The following CACNB4 variants were observed in gnomAD, a reference collection of about 807,000 sequenced individuals.
CACNB4 encodes voltage-dependent L-type calcium channel subunit beta-4.
Under a neutral mutation model 71.2 loss-of-function variants are expected in CACNB4, and 32 were observed. That is an observed-to-expected ratio of 0.45 (90% CI 0.34 to 0.60). The LOEUF is 0.60. Among genes scored for constraint, CACNB4 ranks in the 20% least tolerant of loss-of-function variants. The pLI is 0.01. For synonymous variants in CACNB4, 231 were observed against 236.9 expected (o/e 0.97, Z 0.23); for missense variants, 464 against 647.9 (o/e 0.72, Z 3.08).
chr2:151,886,173 GA>G (rs2099849315), intron 2 of CACNB4, among the ~76,000 whole-genome samples: 1 of 152,166 alleles, frequency 6.6e-6, no homozygotes, highest in South Asian at 2.1e-4. Flanking sequence ...TGCTTTGCTG[GA>G]AATGGGATGT....
rs2099834461 is a variant in CACNB4, at chr2:151,834,496, C to T, written c.*4623G>A. 6.6e-6 allele frequency: 1 copy of T among 151,898 alleles called. No homozygotes were observed. Among genetic ancestry groups the T allele is most frequent in the Admixed American group, 6.6e-5 (1 of 15,256 alleles). The allele number at this position is 151,898 out of a possible 1,614,324, so 9.4% of individuals were successfully genotyped here. ...ATGAAGCATTTAGAATTAATCATTA[C>T]AAGTAAAAAGAGATAGCTGCTATCA... is the stretch of plus-strand genomic sequence containing the variant. On this transcript the variant is annotated 3_prime_UTR_variant, in exon 14 of 14. Transcript: ENST00000539935.
intron 2 of CACNB4, among the ~76,000 whole-genome samples, chr2:152,017,702 C>T (rs180944289): frequency 3.2e-4 from 48 of 150,366 alleles, no homozygotes; most frequent in African/African-American, 9.9e-4. Context: ...AGTGAGACTC[C>T]GTCTCAACAA....
chr2:152,095,895 C>G (rs1688240353), intron 2 of CACNB4, among the ~76,000 whole-genome samples: 1 of 152,226 alleles, frequency 6.6e-6, no homozygotes, highest in South Asian at 2.1e-4. Flanking sequence ...TCAAGTGATC[C>G]GCCCACCTCA....
chr2:152,037,722 G>C (rs1238265975), intron 2 of CACNB4, among the ~76,000 whole-genome samples: 1 of 152,228 alleles, frequency 6.6e-6, no homozygotes, highest in Non-Finnish European at 1.5e-5. Context: ...GGGAGGGAGA[G>C]AAAGAAATGC....
At chr2:151,849,560 A>C (rs1367752625) in intron 12 of CACNB4, among the ~76,000 whole-genome samples, 1 of 152,176 alleles carries the variant, frequency 6.6e-6, no homozygotes, top group African/African-American at 2.4e-5. Flanking sequence ...ACAGGCACTC[A>C]CCATGCACCC....
intron 2 of CACNB4, among the ~76,000 whole-genome samples, chr2:151,944,428 T>C: frequency 6.6e-6 from 1 of 152,078 alleles, no homozygotes; most frequent in Non-Finnish European, 1.5e-5. Flanking sequence ...AAATTAGTCT[T>C]GAGTTATTTG....
intron 2 of CACNB4, among the ~76,000 whole-genome samples, chr2:151,985,536 A>C (rs1374933528): frequency 6.6e-6 from 1 of 152,210 alleles, no homozygotes; most frequent in Admixed American, 6.5e-5. Flanking sequence ...CTGCCAATTT[A>C]CATACCTATT....
chr2:152,077,828 C>T lies in CACNB4; in HGVS notation c.147+20502G>A, dbSNP rs193251672. Among the ~76,000 whole-genome samples, 43 of 152,300 alleles carry T rather than the reference C, an allele frequency of 2.8e-4. 1 individual carries two copies. The East Asian group carries it at 8.1e-3, about 29-fold the overall frequency. On this transcript the variant is annotated intron_variant, in intron 2 of 13. Coordinates refer to ENST00000539935, the MANE Select transcript of CACNB4 (RefSeq NM_000726.5). ...AGAGAGTCTGACAGGAGTTATATCA[C>T]TGCAGAGCCTTGGAGGCCACAATAA...
In CACNB4 at chr2:152,098,725, C is replaced by T; in HGVS notation, c.63+224G>A. On this transcript the variant is annotated intron_variant, in intron 1 of 13. Transcript: ENST00000539935. The surrounding 1 kb of genome is among the most constrained non-coding windows in gnomAD (Gnocchi z 5.3). ...GAGGCTGCGGGCTCCGGAGCGGGAGCGCAGAGACCCGAAGGAGGGTGAGGA... is the reference window on the plus strand; with the variant it reads ...GAGGCTGCGGGCTCCGGAGCGGGAGTGCAGAGACCCGAAGGAGGGTGAGGA... The T allele has an allele frequency of 6.5e-7, 1 of 1,547,712 alleles. No homozygotes were observed. Among genetic ancestry groups the T allele is most frequent in the Non-Finnish European group, 8.7e-7 (1 of 1,144,618 alleles).
Position 151,839,364 on chromosome 2 carries a change from G to C in CACNB4, c.1318C>G (p.His440Asp), listed in dbSNP as rs1553740358. 1.9e-6 allele frequency: 3 copies of C among 1,608,044 alleles called. No individual in the cohort carries two copies. The African/African-American group carries it at 4.0e-5, about 22-fold the overall frequency. The change falls in exon 14 of 14, where the codon CAC (histidine) becomes GAC (aspartate). Residue 440 changes from histidine to aspartate, a missense_variant. Coordinates refer to ENST00000539935, the MANE Select transcript of CACNB4 (RefSeq NM_000726.5). ...ISGLQSQRMR[H>D]SNHSTENSPI... is the part of the protein sequence containing the mutation. ...GAGTTCTCTGTGGAGTGGTTGCTGT[G>C]CCTCATTCGCTGACTCTAAAAATAT...
intron 9 of CACNB4, among the ~76,000 whole-genome samples, chr2:151,862,772 A>C (rs1471450524): frequency 1.3e-5 from 2 of 152,232 alleles, no homozygotes; most frequent in Non-Finnish European, 2.9e-5. Flanking sequence ...GTTACAGCTC[A>C]GGTCTAAACT....
intron 2 of CACNB4, among the ~76,000 whole-genome samples, chr2:152,043,613 C>T (rs1033342569): frequency 5.3e-5 from 8 of 152,190 alleles, no homozygotes; most frequent in Non-Finnish European, 8.8e-5. Flanking sequence ...AGCCACCGTG[C>T]TTGTCCCAGT....
chr2:151,978,943 A>T (rs1453055578), intron 2 of CACNB4, among the ~76,000 whole-genome samples: 1 of 151,552 alleles, frequency 6.6e-6, no homozygotes, highest in African/African-American at 2.4e-5. Flanking sequence ...GACCTCCTCC[A>T]CCTAGTGACA....
intron 2 of CACNB4, among the ~76,000 whole-genome samples, chr2:152,003,997 C>T (rs561857499): frequency 6.6e-6 from 1 of 152,198 alleles, no homozygotes; most frequent in Non-Finnish European, 1.5e-5. Context: ...GCACATGCCA[C>T]CATGTCTGGT....
chr2:151,922,234 C>T (rs1384279307), intron 2 of CACNB4, among the ~76,000 whole-genome samples: 1 of 152,124 alleles, frequency 6.6e-6, no homozygotes, highest in African/African-American at 2.4e-5. Context: ...ATGGGGGTCT[C>T]CCTCTATTGC....
intron 2 of CACNB4, among the ~76,000 whole-genome samples, chr2:152,082,491 G>A (rs1359562760): frequency 6.6e-6 from 1 of 152,202 alleles, no homozygotes; most frequent in Non-Finnish European, 1.5e-5. Context: ...CAGTCAGCCT[G>A]CAGAACCCTC....
intron 2 of CACNB4, among the ~76,000 whole-genome samples, chr2:152,091,246 G>A (rs1372027443): frequency 6.6e-6 from 1 of 152,134 alleles, no homozygotes; most frequent in Non-Finnish European, 1.5e-5. Context: ...CTCTATCAGA[G>A]CAAGAGAAGA....
chr2:152,038,924 C>T (rs961585332), intron 2 of CACNB4, among the ~76,000 whole-genome samples: 1 of 152,162 alleles, frequency 6.6e-6, no homozygotes, highest in Non-Finnish European at 1.5e-5. Context: ...CCTCATGTTC[C>T]CTGCTGGCCC....
intron 2 of CACNB4, among the ~76,000 whole-genome samples, chr2:152,070,710 T>A (rs563323062): frequency 2.6e-5 from 4 of 152,360 alleles, no homozygotes; most frequent in African/African-American, 9.6e-5. Context: ...CAATAGTTAA[T>A]CATTTCAGCA....
Sources: allele counts gnomAD v4.1 joint callset (sites outside exome capture counted in the v4.1 genomes callset), GRCh38; gene constraint gnomAD v4.1.1; non-coding constraint Gnocchi (gnomAD v3.1); transcripts MANE v1.5; gene names NCBI Gene and HGNC (gene_info 2026-07-23, HGNC 2026-07-21).